The following NACC2 variants were observed in gnomAD, a reference collection of about 807,000 sequenced individuals.
The protein encoded by NACC2 is nucleus accumbens-associated protein 2.
Under a neutral mutation model 25.1 loss-of-function variants are expected in NACC2, and 8 were observed. The ratio of observed to expected loss-of-function variants is 0.32; its 90% CI spans 0.19 to 0.57. The LOEUF (loss-of-function observed/expected upper bound fraction) is 0.57, where lower values mean the gene tolerates loss of function less well. Among genes scored for constraint, NACC2 ranks in the 20% least tolerant of loss-of-function variants. NACC2 has a pLI of 0.89. For missense variants in NACC2, 644 were observed against 650.2 expected, an observed-to-expected ratio of 0.99 and a Z score of 0.10; for synonymous variants, 435 against 294.7, an observed-to-expected ratio of 1.48 and a Z score of -4.88.
In NACC2 at chr9:136,055,808, C is replaced by A. The variant is rs1167242851; in HGVS notation, c.-59-5228G>T. ...AGGGGAGAGTCCCTCTACCCCGAGC[C>A]CCGGCCCCTGGTGGAGACTGCCTGG... On this transcript the variant is annotated intron_variant, in intron 1 of 5. Transcript: ENST00000277554. The surrounding 1 kb of genome is among the most constrained non-coding windows in gnomAD (Gnocchi z 4.9). 1.3e-5 allele frequency among the ~76,000 whole-genome samples: 2 copies of A among 152,164 alleles called. No homozygotes were observed. The highest frequency in any genetic ancestry group is 2.4e-5 in the African/African-American group (1 of 41,428).
chr9:136,067,566 G>C (rs143468635), intron 1 of NACC2, among the ~76,000 whole-genome samples: 2 of 152,030 alleles, frequency 1.3e-5, no homozygotes, highest in African/African-American at 2.4e-5. Flanking sequence ...GGCCGGGCGC[G>C]GTGGCTCACG....
chr9:136,011,522 G>T lies in NACC2; in HGVS notation c.1758C>A (p.Thr586=). 1 of 1,384,536 alleles carries T rather than the reference G, an allele frequency of 7.2e-7. No individual in the cohort carries two copies. The highest frequency in any genetic ancestry group is 1.8e-5 in the South Asian group (1 of 54,798). 85.8% of individuals were successfully genotyped at this position (1,384,536 alleles called of 1,614,324 possible). A position where few individuals can be genotyped will look rare whatever the true frequency, so the allele number is the denominator to read the frequency against. Residue 586 remains threonine, a synonymous_variant, in exon 6 of 6, where the codon ACC becomes ACA. Coordinates refer to ENST00000277554, the MANE Select transcript of NACC2 (RefSeq NM_144653.5). ...ARRPEGTYAG[T]L ...CGCAGCCACCCAGCTCCGCTTACAAGGTCCCTGCATAGGTGCCCTCCGGCC... is the reference window on the plus strand; with the variant it reads ...CGCAGCCACCCAGCTCCGCTTACAATGTCCCTGCATAGGTGCCCTCCGGCC...
At chr9:136,034,855 A>G (rs1237603169) in intron 2 of NACC2, among the ~76,000 whole-genome samples, 1 of 152,182 alleles carries the variant, frequency 6.6e-6, no homozygotes, top group African/African-American at 2.4e-5. Context: ...GCATTTTGGA[A>G]GGCACTGGCG....
At chr9:136,058,137 G>A (rs533799382) in intron 1 of NACC2, among the ~76,000 whole-genome samples, 8 of 152,302 alleles carry the variant, frequency 5.3e-5, no homozygotes, top group Non-Finnish European at 7.4e-5. Flanking sequence ...GGAGCCACAC[G>A]CCTCTAGGCC....
intron 1 of NACC2, among the ~76,000 whole-genome samples, chr9:136,058,877 G>A (rs1840968433): frequency 6.6e-6 from 1 of 152,254 alleles, no homozygotes; most frequent in Non-Finnish European, 1.5e-5. Flanking sequence ...AGGGGACGCA[G>A]GGGCCGGGGC....
chr9:136,061,427 C>G (rs1006322764), intron 1 of NACC2, among the ~76,000 whole-genome samples: 1 of 152,196 alleles, frequency 6.6e-6, no homozygotes, highest in African/African-American at 2.4e-5. Flanking sequence ...AGGCCCAGCT[C>G]CCAGGCTGCC....
At chr9:136,016,565 CTG>C in intron 2 of NACC2, 136 bp from the exon 3 acceptor site, 2 of 984,530 alleles carry the variant, frequency 2.0e-6, no homozygotes. Context: ...TGAGGCCACT[CTG>C]TGCCGCTCTC....
intron 1 of NACC2, among the ~76,000 whole-genome samples, chr9:136,065,915 C>T (rs1175911256): frequency 2.6e-5 from 4 of 151,814 alleles, no homozygotes; most frequent in South Asian, 2.1e-4. Flanking sequence ...AAAAAGAGGC[C>T]GGGCATGGTG....
At chr9:136,048,876 C>T (rs377618210) in intron 2 of NACC2, among the ~76,000 whole-genome samples, 1 of 152,200 alleles carries the variant, frequency 6.6e-6, no homozygotes, top group Non-Finnish European at 1.5e-5. Flanking sequence ...CGGGGTCCAC[C>T]ACCTGCCCGT....
chr9:136,033,803 G>A (rs901912476), intron 2 of NACC2, among the ~76,000 whole-genome samples: 7 of 151,672 alleles, frequency 4.6e-5, no homozygotes, highest in Non-Finnish European at 8.8e-5. Flanking sequence ...GATGTACCAC[G>A]CCCATGGATT....
intron 2 of NACC2, among the ~76,000 whole-genome samples, chr9:136,023,067 AGAGGGAG>A (rs1840318060): frequency 6.2e-4 from 1 of 1,620 alleles, no homozygotes; most frequent in East Asian, 0.013. Flanking sequence ...GAAGGAGGGA[AGAGGGAG>A]GGAGGAGGGA....
At chr9:136,051,876 AAGGAGGAGG>A (rs1162435573) in intron 1 of NACC2, among the ~76,000 whole-genome samples, 73 of 132,380 alleles carry the variant, frequency 5.5e-4, no homozygotes, top group Non-Finnish European at 6.5e-4. Context: ...GGGAGCCGGC[AAGGAGGAGG>A]AGGAGGAGGA....
rs1162914547 is a variant in NACC2, at chr9:136,018,162, G to A, written c.887-1733C>T. Among the ~76,000 whole-genome samples the A allele has an allele frequency of 6.6e-6, 1 of 152,162 alleles. No homozygotes were observed. The highest frequency in any genetic ancestry group is 1.5e-5 in the Non-Finnish European group (1 of 68,002). ...CCGCACCGCACCAGGACGCTCAGAG[G>A]CAGGTGCACCTGGCCATGCTGTCCC... is the stretch of plus-strand genomic sequence containing the variant. On this transcript the variant is annotated intron_variant, in intron 2 of 5. Transcript: ENST00000277554. The surrounding 1 kb of genome is among the most constrained non-coding windows in gnomAD (Gnocchi z 4.4).
intron 2 of NACC2, among the ~76,000 whole-genome samples, chr9:136,034,557 C>G (rs1840523975): frequency 1.2e-4 from 18 of 151,852 alleles, no homozygotes. Context: ...ATCCTGGTTT[C>G]TAAATTCCCC....
chr9:136,073,570 T>G (rs1023354992), intron 1 of NACC2, among the ~76,000 whole-genome samples: 6 of 151,966 alleles, frequency 3.9e-5, no homozygotes, highest in African/African-American at 1.5e-4. Flanking sequence ...CAAAGTGAAA[T>G]GCACAATTGG....
At chr9:136,043,601 C>T (rs566895386) in intron 2 of NACC2, among the ~76,000 whole-genome samples, 95 of 152,278 alleles carry the variant, frequency 6.2e-4, no homozygotes, top group African/African-American at 2.0e-3. Flanking sequence ...CAGGATCTAC[C>T]GCTGCACGGT....
At chr9:136,045,019 G>A (rs888111827) in intron 2 of NACC2, among the ~76,000 whole-genome samples, 1 of 152,242 alleles carries the variant, frequency 6.6e-6, no homozygotes, top group African/African-American at 2.4e-5. Context: ...GTGCTGCTGT[G>A]TGCCACGACC....
intron 1 of NACC2, among the ~76,000 whole-genome samples, chr9:136,073,715 T>C (rs1163309134): frequency 6.6e-6 from 1 of 152,234 alleles, no homozygotes; most frequent in Admixed American, 6.5e-5. Context: ...GAAAAGCAGC[T>C]GCGTGTGTGC....
chr9:136,037,141 T>C lies in NACC2; in HGVS notation c.886+12495A>G, dbSNP rs1211622210. 2.6e-5 allele frequency among the ~76,000 whole-genome samples: 4 copies of C among 152,344 alleles called. No homozygotes were observed. In the South Asian group the frequency reaches 8.3e-4, roughly 32 times the overall value. ...ATGCAGCAAAAGCTTCCTTGAAAGA[T>C]GAAGGTGACAATAAATTACACAAGG... is the stretch of plus-strand genomic sequence containing the variant. On this transcript the variant is annotated intron_variant, in intron 2 of 5. Coordinates refer to ENST00000277554, the MANE Select transcript of NACC2 (RefSeq NM_144653.5).
Sources: allele counts gnomAD v4.1 joint callset (sites outside exome capture counted in the v4.1 genomes callset), GRCh38; gene constraint gnomAD v4.1.1; non-coding constraint Gnocchi (gnomAD v3.1); transcripts MANE v1.5; gene names NCBI Gene and HGNC (gene_info 2026-07-23, HGNC 2026-07-21).